The following STK31 variants were observed in gnomAD, a reference collection of about 807,000 sequenced individuals.
STK31 encodes serine/threonine kinase 31, also known as serine/threonine-protein kinase 31.
A neutral mutation model predicts 129.7 loss-of-function variants in STK31; 89 were observed. The ratio of observed to expected loss-of-function variants is 0.69; its 90% CI spans 0.58 to 0.82. STK31 has a LOEUF of 0.82. Ranked by LOEUF, STK31 falls within the 40% of genes least tolerant of loss-of-function variation. STK31 has a pLI of 0.00. For missense variants in STK31, 1,187 were observed against 1,176.4 expected (o/e 1.01, Z -0.13); for synonymous variants, 448 against 395.3 (o/e 1.13, Z -1.58).
intron 8 of STK31, among the ~76,000 whole-genome samples, chr7:23,737,976 C>T (rs1315253451): frequency 6.6e-6 from 1 of 152,040 alleles, no homozygotes; most frequent in Non-Finnish European, 1.5e-5. Context: ...AATAATTCAG[C>T]TCCATTCTGA....
chr7:23,744,915 G>A (rs1788257218), intron 8 of STK31, among the ~76,000 whole-genome samples: 1 of 152,234 alleles, frequency 6.6e-6, no homozygotes. Context: ...GTTGGCCAGT[G>A]CTTGGGTTTC....
chr7:23,787,442 CTGGTACCAG>C (rs1246961073), intron 20 of STK31, among the ~76,000 whole-genome samples: 1 of 152,062 alleles, frequency 6.6e-6, no homozygotes, highest in African/African-American at 2.4e-5. Flanking sequence ...AGGTCGCAGA[CTGGTACCAG>C]TCTGTGGCCT....
intron 4 of STK31, chr7:23,722,807 T>C (rs530794150): frequency 6.6e-6 from 1 of 152,474 alleles, no homozygotes; most frequent in Admixed American, 6.5e-5. Context: ...TCCCCCAGCC[T>C]CGCCGCCGCC....
At chr7:23,795,225 C>T (rs1584460377) in intron 22 of STK31, among the ~76,000 whole-genome samples, 1 of 152,186 alleles carries the variant, frequency 6.6e-6, no homozygotes, top group South Asian at 2.1e-4. Context: ...GACATGGTGC[C>T]CTGTGTCCCA....
intron 8 of STK31, among the ~76,000 whole-genome samples, chr7:23,746,790 T>G (rs1299975480): frequency 6.6e-6 from 1 of 151,760 alleles, no homozygotes; most frequent in Non-Finnish European, 1.5e-5. Flanking sequence ...ATGGAAGAGG[T>G]GGAGGGATAA....
intron 13 of STK31, among the ~76,000 whole-genome samples, chr7:23,770,647 C>T (rs1790123823): frequency 1.3e-5 from 2 of 152,082 alleles, no homozygotes; most frequent in Admixed American, 6.6e-5. Flanking sequence ...CAGTGTCTTG[C>T]TCTGTCGCCC....
rs1234777892 is a variant in STK31, at chr7:23,717,586, C to T, written c.249+7C>T. On this transcript the variant is annotated splice_region_variant and intron_variant, in intron 4 of 23. Transcript: ENST00000355870. Reference sequence around the variant, plus strand: ...GAATCTTGACCCAAACAAGGTGAGCCATATTCTTGAATATAATTATTTCAT... The same window carrying T: ...GAATCTTGACCCAAACAAGGTGAGCTATATTCTTGAATATAATTATTTCAT... 1.3e-6 allele frequency: 2 copies of T among 1,598,676 alleles called. No homozygotes were observed. Among genetic ancestry groups the T allele is most frequent in the Middle Eastern group, 1.7e-4 (1 of 6,040 alleles).
intron 14 of STK31, chr7:23,771,757 A>G (rs1009550492): frequency 1.3e-5 from 2 of 153,798 alleles, no homozygotes; most frequent in African/African-American, 4.8e-5. Flanking sequence ...TAAATTCTAT[A>G]ATTACTGAGT....
At chr7:23,767,136 A>T (rs561947007) in intron 11 of STK31, among the ~76,000 whole-genome samples, 1 of 152,176 alleles carries the variant, frequency 6.6e-6, no homozygotes, top group African/African-American at 2.4e-5. Context: ...GAGAATATTT[A>T]TTATGCTTAT....
intron 11 of STK31, among the ~76,000 whole-genome samples, chr7:23,768,647 T>A (rs1393472251): frequency 6.6e-6 from 1 of 152,192 alleles, no homozygotes; most frequent in Non-Finnish European, 1.5e-5. Context: ...GCCCAGACTT[T>A]ACCACTACAC....
rs147811170 is a variant in STK31 at position 23,723,876 on chromosome 7, C to T, written c.250-3365C>T. Reference sequence around the variant, plus strand: ...GTTATACCTAGGCGAGTTAGAGAAACGCCACACTCTGAGACGAATTAAGAG... The same window carrying T: ...GTTATACCTAGGCGAGTTAGAGAAATGCCACACTCTGAGACGAATTAAGAG... On this transcript the variant is annotated intron_variant, in intron 4 of 23. Coordinates refer to ENST00000355870, the MANE Select transcript of STK31 (RefSeq NM_031414.5). 2.6e-4 allele frequency among the ~76,000 whole-genome samples: 40 copies of T among 152,212 alleles called. No homozygotes were observed. The East Asian group carries it at 6.4e-3, about 24-fold the overall frequency.
At chr7:23,750,816 A>C (rs947357415) in intron 8 of STK31, among the ~76,000 whole-genome samples, 1 of 152,192 alleles carries the variant, frequency 6.6e-6, no homozygotes, top group Non-Finnish European at 1.5e-5. Flanking sequence ...TAGAATGTGT[A>C]ATGATCAAGT....
chr7:23,824,365 G>T (rs565286184), intron 23 of STK31, among the ~76,000 whole-genome samples: 4 of 152,268 alleles, frequency 2.6e-5, no homozygotes, highest in African/African-American at 9.6e-5. Flanking sequence ...AAGCAATTGT[G>T]AATGGGAGTT....
Position 23,830,592 on chromosome 7 carries a change from T to TTGTGTGTGTGTGTGTGTGTG in STK31, c.2830-1526_2830-1507dup, listed in dbSNP as rs3034048. 1.1e-3 allele frequency among the ~76,000 whole-genome samples: 153 copies of TTGTGTGTGTGTGTGTGTGTG among 142,240 alleles called. 1 individual carries two copies. Among genetic ancestry groups the TTGTGTGTGTGTGTGTGTGTG allele is most frequent in the African/African-American group, 2.1e-3 (78 of 37,100 alleles). 93.3% of individuals were successfully genotyped at this position (142,240 alleles called of 152,430 possible). ...AGCAGCACGTTGTTTAATTTCCATGTTGTGTGTGTGTGTGTGTGTGTGTGT... is the reference window on the plus strand; with the variant it reads ...AGCAGCACGTTGTTTAATTTCCATGTTGTGTGTGTGTGTGTGTGTGTGTGTGTGTGTGTGTGTGTGTGTGT... On this transcript the variant is annotated intron_variant, in intron 23 of 23. Coordinates refer to ENST00000355870, the MANE Select transcript of STK31 (RefSeq NM_031414.5).
intron 22 of STK31, among the ~76,000 whole-genome samples, chr7:23,794,322 C>T (rs531640848): frequency 2.6e-4 from 39 of 152,212 alleles, no homozygotes; most frequent in South Asian, 8.3e-4. Context: ...TTCTTGCTGC[C>T]CCCATGTGAA....
At chr7:23,816,504 T>C (rs1174003600) in intron 23 of STK31, among the ~76,000 whole-genome samples, 2 of 152,244 alleles carry the variant, frequency 1.3e-5, no homozygotes, top group South Asian at 4.1e-4. Context: ...AGATGTTGGC[T>C]GGGCTACAGT....
At chr7:23,758,711 C>A (rs1789265963) in intron 10 of STK31, among the ~76,000 whole-genome samples, 1 of 152,126 alleles carries the variant, frequency 6.6e-6, no homozygotes, top group African/African-American at 2.4e-5. Context: ...TGATTTCTGC[C>A]TTAATTTCAT....
rs902404443 is a variant in STK31 at position 23,732,705 on chromosome 7, A to G, written c.484-2833A>G. Among the ~76,000 whole-genome samples, 6 of 152,220 alleles carry G rather than the reference A, an allele frequency of 3.9e-5. No individual in the cohort carries two copies. In the East Asian group the frequency reaches 7.7e-4, roughly 20 times the overall value. ...CCTTTAGAACATTCAGCTTTAGGTA[A>G]TTGAAACTTTTGTAGACAATAGGTT... On this transcript the variant is annotated intron_variant, in intron 6 of 23. Coordinates refer to ENST00000355870, the MANE Select transcript of STK31 (RefSeq NM_031414.5).
chr7:23,771,079 A>G lies in STK31; in HGVS notation c.1788A>G (p.Glu596=). Residue 596 remains glutamate (E), a synonymous_variant, in exon 14 of 24, where the codon GAA becomes GAG. Transcript: ENST00000355870. ...TACTGCAAAAGATTCATTCAGAGGA[A>G]AGGCTCATTGCCACAGTACAAGCTA... ...SQVLQKIHSE[E]RLIATVQAKY... is the part of the protein sequence containing the mutation. 2 of 1,613,084 alleles carry G rather than the reference A, an allele frequency of 1.2e-6. 1 individual carries two copies. The highest frequency in any genetic ancestry group is 1.7e-6 in the Non-Finnish European group (2 of 1,179,430).
Sources: gnomAD v4.1 joint callset for allele counts (sites outside exome capture counted in the v4.1 genomes callset) on GRCh38, gnomAD v4.1.1 for gene constraint, MANE v1.5 for transcripts, NCBI Gene and HGNC (gene_info 2026-07-23, HGNC 2026-07-21) for gene names.